Variants in ARFGEF1 observed in about 807,000 individuals in gnomAD.
ARFGEF1 encodes brefeldin A-inhibited guanine nucleotide-exchange protein 1.
ARFGEF1 carries 42 observed loss-of-function variants against 231.0 expected under a neutral mutation model. The ratio of observed to expected loss-of-function variants is 0.18; its 90% CI spans 0.14 to 0.24. The LOEUF is 0.24. Among genes scored for constraint, ARFGEF1 ranks in the 10% least tolerant of loss-of-function variants. The probability of loss-of-function intolerance (pLI) is 1.00; values close to 1 mark genes in which losing one functional copy is unlikely to be tolerated. For missense variants in ARFGEF1, 1,345 were observed against 2,192.0 expected, an observed-to-expected ratio of 0.61 and a Z score of 7.72; for synonymous variants, 710 against 732.3, an observed-to-expected ratio of 0.97 and a Z score of 0.49.
intron 4 of ARFGEF1, among the ~76,000 whole-genome samples, chr8:67,298,085 C>T (rs1022659352): frequency 2.7e-5 from 4 of 150,396 alleles, no homozygotes; most frequent in Non-Finnish European, 4.4e-5. Context: ...GGATTACAGG[C>T]ATGAGCTACC....
rs562861791 is a variant in ARFGEF1 at position 67,217,415 on chromosome 8, TC to T, written c.4613+366del. ...AAATATAGTATGTGTAAATACATTT[TC>T]CTTAGATTATTAAAAGATCAGTAAC... On this transcript the variant is annotated intron_variant, in intron 32 of 38. Coordinates refer to ENST00000262215, the MANE Select transcript of ARFGEF1 (RefSeq NM_006421.5). Among the ~76,000 whole-genome samples, 155 of 152,140 alleles carry T rather than the reference TC, an allele frequency of 1.0e-3. No individual in the cohort carries two copies. In the Middle Eastern group the frequency reaches 0.017, roughly 17 times the overall value.
intron 4 of ARFGEF1, among the ~76,000 whole-genome samples, chr8:67,297,114 C>T (rs1025178247): frequency 2.6e-5 from 4 of 152,214 alleles, no homozygotes; most frequent in Admixed American, 6.5e-5. Flanking sequence ...GTTTTCCTCA[C>T]TGCGGCAGTA....
chr8:67,314,863 C>T (rs1432780519), intron 1 of ARFGEF1, among the ~76,000 whole-genome samples: 1 of 152,034 alleles, frequency 6.6e-6, no homozygotes, highest in Admixed American at 6.6e-5. Context: ...AGCAGGACCC[C>T]AACTCTATAA....
intron 1 of ARFGEF1, among the ~76,000 whole-genome samples, chr8:67,309,677 G>A (rs1806905245): frequency 1.3e-5 from 2 of 152,122 alleles, no homozygotes; most frequent in Admixed American, 6.5e-5. Context: ...TGAAGCCCAG[G>A]TGATTTGGAG....
chr8:67,305,344 G>T (rs1281667200), intron 1 of ARFGEF1, among the ~76,000 whole-genome samples: 1 of 152,172 alleles, frequency 6.6e-6, no homozygotes, highest in African/African-American at 2.4e-5. Context: ...ATAATGGCCA[G>T]TTCTAAGGTC....
At chr8:67,180,523 G>C (rs1446606821) in intron 5 of ARFGEF1, among the ~76,000 whole-genome samples, 1 of 152,178 alleles carries the variant, frequency 6.6e-6, no homozygotes, top group African/African-American at 2.4e-5. Context: ...TGCAGGGGTA[G>C]ATACATACAT....
At chr8:67,203,827 A>G (rs1292125939) in intron 35 of ARFGEF1, among the ~76,000 whole-genome samples, 1 of 152,092 alleles carries the variant, frequency 6.6e-6, no homozygotes, top group Non-Finnish European at 1.5e-5. Flanking sequence ...GTCTCTCACA[A>G]GCTCCTACCC....
In ARFGEF1 at chr8:67,199,265, A is replaced by C. The variant is rs180822521; in HGVS notation, c.5386-167T>G. Reference sequence around the variant, plus strand: ...ACTGAGAGACAGAAGTGTTAGAAAAACTCACTTCATACAAACACTATTCAC... The same window carrying C: ...ACTGAGAGACAGAAGTGTTAGAAAACCTCACTTCATACAAACACTATTCAC... On this transcript the variant is annotated intron_variant, in intron 38 of 38. Coordinates refer to ENST00000262215, the MANE Select transcript of ARFGEF1 (RefSeq NM_006421.5). 4.2e-4 allele frequency: 284 copies of C among 672,150 alleles called. 2 individuals are homozygous for C. Among genetic ancestry groups the C allele is most frequent in the African/African-American group, 3.4e-3 (179 of 52,238 alleles). The allele number at this position is 672,150 out of a possible 1,614,324, so 41.6% of individuals were successfully genotyped here.
At chr8:67,323,596 A>C (rs1481797043) in intron 1 of ARFGEF1, among the ~76,000 whole-genome samples, 1 of 152,164 alleles carries the variant, frequency 6.6e-6, no homozygotes, top group South Asian at 2.1e-4. Flanking sequence ...TCTCAAAATC[A>C]TGTCATTAGA....
intron 1 of ARFGEF1, among the ~76,000 whole-genome samples, chr8:67,317,279 A>G (rs544616025): frequency 6.6e-6 from 1 of 152,288 alleles, no homozygotes; most frequent in Admixed American, 6.5e-5. Context: ...ACCGGAGGAG[A>G]TAACAGGAAC....
intron 1 of ARFGEF1, among the ~76,000 whole-genome samples, chr8:67,328,587 C>T (rs1416604339): frequency 6.6e-6 from 1 of 152,208 alleles, no homozygotes; most frequent in Non-Finnish European, 1.5e-5. Flanking sequence ...TCTCTCTCAT[C>T]CTTTTAGCTT....
intron 1 of ARFGEF1, among the ~76,000 whole-genome samples, chr8:67,337,491 T>C (rs1327138418): frequency 6.6e-6 from 1 of 152,124 alleles, no homozygotes; most frequent in Non-Finnish European, 1.5e-5. Context: ...TAAGTCCCCA[T>C]GGTCTCTGGC....
chr8:67,194,529 T>C (rs1161001345), downstream of ARFGEF1, among the ~76,000 whole-genome samples: 2 of 152,168 alleles, frequency 1.3e-5, no homozygotes, highest in African/African-American at 4.8e-5. Flanking sequence ...GAATTAATAT[T>C]TAACAGGAAT....
rs886302652 is a variant in ARFGEF1 at position 67,343,625 on chromosome 8, G to A, written c.-338C>T. 9.7e-7 allele frequency: 1 copy of A among 1,035,898 alleles called. No homozygotes were observed. The highest frequency in any genetic ancestry group is 1.2e-6 in the Non-Finnish European group (1 of 863,332). 64.2% of individuals were successfully genotyped at this position (1,035,898 alleles called of 1,614,324 possible). A position where few individuals can be genotyped will look rare whatever the true frequency, so the allele number is the denominator to read the frequency against. ...GCGGTGAGGGAGCCCGGCCCGGGCGGCTGTCTGCCGGGAACTGAGGGACGA... is the reference window on the plus strand; with the variant it reads ...GCGGTGAGGGAGCCCGGCCCGGGCGACTGTCTGCCGGGAACTGAGGGACGA... On this transcript the variant is annotated 5_prime_UTR_variant, in exon 1 of 39. Transcript: ENST00000262215.
At chr8:67,310,857 C>A (rs1806983668) in intron 1 of ARFGEF1, among the ~76,000 whole-genome samples, 2 of 151,890 alleles carry the variant, frequency 1.3e-5, no homozygotes, top group Admixed American at 1.3e-4. Flanking sequence ...GCCCCTCCGC[C>A]TGGCAGCTGC....
At chr8:67,258,779 G>A (rs1222504273) in intron 15 of ARFGEF1, among the ~76,000 whole-genome samples, 1 of 150,386 alleles carries the variant, frequency 6.6e-6, no homozygotes, top group Non-Finnish European at 1.5e-5. Context: ...AATATATCAG[G>A]ATATTCTTTT....
At chr8:67,248,439 CAA>C (rs1465239084) in intron 19 of ARFGEF1, among the ~76,000 whole-genome samples, 2 of 148,676 alleles carry the variant, frequency 1.3e-5, no homozygotes, top group African/African-American at 5.2e-5. Flanking sequence ...TATCCATATA[CAA>C]AAGAATGAAA....
chr8:67,303,104 C>T (rs1469918022), intron 1 of ARFGEF1, among the ~76,000 whole-genome samples: 1 of 149,480 alleles, frequency 6.7e-6, no homozygotes, highest in East Asian at 1.9e-4. Context: ...TGTCCTCCCA[C>T]CAAAAAAAAA....
Position 67,238,407 on chromosome 8 carries a change from G to A in ARFGEF1, c.3225C>T (p.Gly1075=), listed in dbSNP as rs371747602. The A allele has an allele frequency of 2.5e-6, 4 of 1,613,996 alleles. No homozygotes were observed. The highest frequency in any genetic ancestry group is 3.4e-6 in the Non-Finnish European group (4 of 1,179,920). The stretch of plus-strand genomic sequence containing the variant: ...TTGTTCCAGTAAGAGATCCTTCTCT[G>A]CCTCGCACTGTTCCAGAAATGTATC... ...KPRYISGTVR[G]REGSLTGTKD... is the part of the protein sequence containing the mutation. Residue 1075 remains glycine, a synonymous_variant, in exon 22 of 39, where the codon GGC becomes GGT. Coordinates refer to ENST00000262215, the MANE Select transcript of ARFGEF1 (RefSeq NM_006421.5).
Sources: gnomAD v4.1 joint callset for allele counts (sites outside exome capture counted in the v4.1 genomes callset) on GRCh38, gnomAD v4.1.1 for gene constraint, MANE v1.5 for transcripts, NCBI Gene and HGNC (gene_info 2026-07-23, HGNC 2026-07-21) for gene names.